ZMIZ1: variants seen among roughly 807,000 people sequenced by gnomAD.
ZMIZ1 encodes the protein zinc finger MIZ-type containing 1.
Under a neutral mutation model 113.9 loss-of-function variants are expected in ZMIZ1, and 17 were observed. That is an observed-to-expected ratio of 0.15 (90% CI 0.10 to 0.22). The LOEUF (loss-of-function observed/expected upper bound fraction) is 0.22. ZMIZ1 is among the 10% of genes least tolerant of loss of function. ZMIZ1 has a pLI of 1.00. For missense variants in ZMIZ1, 1,059 were observed against 1,477.8 expected, an observed-to-expected ratio of 0.72 and a Z score of 4.65; for synonymous variants, 607 against 603.1, an observed-to-expected ratio of 1.01 and a Z score of -0.09.
intron 1 of ZMIZ1, among the ~76,000 whole-genome samples, chr10:79,083,815 A>G (rs1842730242): frequency 6.6e-6 from 1 of 152,214 alleles, no homozygotes; most frequent in Non-Finnish European, 1.5e-5. Flanking sequence ...AGGCTGAGCT[A>G]GAGAACTGGC....
chr10:79,192,941 C>T (rs1235550386), intron 4 of ZMIZ1, among the ~76,000 whole-genome samples: 2 of 152,288 alleles, frequency 1.3e-5, no homozygotes, highest in East Asian at 1.9e-4. Context: ...CTCCCCATCT[C>T]GTCTCCTGTC....
chr10:79,255,885 TGCAATCACAGAGCC>T (rs1850862874), intron 7 of ZMIZ1, among the ~76,000 whole-genome samples: 1 of 152,350 alleles, frequency 6.6e-6, no homozygotes, highest in African/African-American at 2.4e-5. Context: ...TCAGTCTGGA[TGCAATCACAGAGCC>T]GCATTGTAAA....
chr10:79,138,124 G>C (rs1212574954), intron 2 of ZMIZ1, among the ~76,000 whole-genome samples: 1 of 152,178 alleles, frequency 6.6e-6, no homozygotes, highest in Non-Finnish European at 1.5e-5. Flanking sequence ...GGGCAGAGTG[G>C]GAAAGGACAG....
intron 5 of ZMIZ1, among the ~76,000 whole-genome samples, chr10:79,203,151 C>A (rs1848171998): frequency 6.6e-6 from 1 of 152,236 alleles, no homozygotes; most frequent in African/African-American, 2.4e-5. Context: ...AACTCACAGC[C>A]CCCTACCCAC....
At chr10:79,185,137 T>C (rs939480305) in intron 4 of ZMIZ1, among the ~76,000 whole-genome samples, 2 of 152,342 alleles carry the variant, frequency 1.3e-5, no homozygotes, top group Non-Finnish European at 1.5e-5. Flanking sequence ...AGGCCAAGCC[T>C]TGGTCTCCCA....
rs774061918 is a variant in ZMIZ1, at chr10:79,305,062, A to G, written c.2287-102A>G. 4.7e-4 allele frequency: 633 copies of G among 1,343,322 alleles called. 2 individuals carry two copies. The highest frequency in any genetic ancestry group is 6.4e-4 in the Non-Finnish European group (600 of 944,206). The allele number at this position is 1,343,322 out of a possible 1,614,324, so 83.2% of individuals were successfully genotyped here. A position where few individuals can be genotyped will look rare whatever the true frequency, so the allele number is the denominator to read the frequency against. ...CAGCCCGGGGTTTCTCCCACAGCCT[A>G]TCTTTCTCTCTGGTGGGGAAGTTAT... On this transcript the variant is annotated intron_variant, in intron 19 of 24. Coordinates refer to ENST00000334512, the MANE Select transcript of ZMIZ1 (RefSeq NM_020338.4).
intron 7 of ZMIZ1, among the ~76,000 whole-genome samples, chr10:79,269,498 GTTCTCCAGCAGCC>G (rs1158794497): frequency 1.0e-5 from 1 of 100,386 alleles, no homozygotes; most frequent in Non-Finnish European, 2.2e-5. Context: ...CACTTTCTCT[GTTCTCCAGCAGCC>G]TTTTAGCTGC....
At chr10:79,081,240 G>A (rs1390286198) in intron 1 of ZMIZ1, among the ~76,000 whole-genome samples, 2 of 152,152 alleles carry the variant, frequency 1.3e-5, no homozygotes, top group Non-Finnish European at 2.9e-5. Context: ...TTGTATCCTC[G>A]GAGACTTCTC....
At chr10:79,199,932 G>A (rs191461611) in intron 4 of ZMIZ1, among the ~76,000 whole-genome samples, 31 of 152,346 alleles carry the variant, frequency 2.0e-4, no homozygotes, top group East Asian at 1.7e-3. Context: ...CTCAACAAGC[G>A]TGTGTAGAAG....
Position 79,313,645 on chromosome 10 carries a change from C to A in ZMIZ1, c.*896C>A. On this transcript the variant is annotated 3_prime_UTR_variant, in exon 25 of 25. Coordinates refer to ENST00000334512, the MANE Select transcript of ZMIZ1 (RefSeq NM_020338.4). ...AGCAAACAGGAGCGGCAACTTCTAACTTTGCTCCAAGCCACTCTCTTTTTA... is the reference window on the plus strand; with the variant it reads ...AGCAAACAGGAGCGGCAACTTCTAAATTTGCTCCAAGCCACTCTCTTTTTA... 8.1e-6 allele frequency: 2 copies of A among 246,886 alleles called. No individual in the cohort carries two copies. Among genetic ancestry groups the A allele is most frequent in the Non-Finnish European group, 8.0e-6 (1 of 124,678 alleles). 15.3% of individuals were successfully genotyped at this position (246,886 alleles called of 1,614,324 possible). A position where few individuals can be genotyped will look rare whatever the true frequency, so the allele number is the denominator to read the frequency against.
chr10:79,113,450 T>G (rs561479147), intron 1 of ZMIZ1, among the ~76,000 whole-genome samples: 16 of 152,194 alleles, frequency 1.1e-4, no homozygotes, highest in Admixed American at 9.8e-4. Context: ...CGTCCACACC[T>G]GGAGGGTCCT....
chr10:79,069,897 T>G lies in ZMIZ1; in HGVS notation c.-337+627T>G, dbSNP rs12415516. Among the ~76,000 whole-genome samples the G allele has an allele frequency of 0.069, 10,357 of 149,238 alleles. 661 individuals are homozygous for G. The highest frequency in any genetic ancestry group is 0.3 in the East Asian group (1,504 of 4,984). ...GCGGTACAAACGAGAAACGCGGAGG[T>G]GTGTGTGCAGGGTTTTCTCCCAGGG... is the stretch of plus-strand genomic sequence containing the variant. On this transcript the variant is annotated intron_variant, in intron 1 of 24. Coordinates refer to ENST00000334512, the MANE Select transcript of ZMIZ1 (RefSeq NM_020338.4). This position sits in a 1 kb window ranked among gnomAD's most constrained non-coding sequence, Gnocchi z 4.6.
intron 24 of ZMIZ1, 117 bp downstream of exon 24, chr10:79,311,301 T>TGGGGGGGGGGGGGG: frequency 8.5e-6 from 1 of 116,960 alleles, no homozygotes; most frequent in East Asian, 1.9e-4. Context: ...GGGTGGGCGG[T>TGGGGGGGGGGGGGG]GGGAGGGCTT....
intron 2 of ZMIZ1, among the ~76,000 whole-genome samples, chr10:79,138,338 C>T (rs1845108546): frequency 6.6e-6 from 1 of 152,234 alleles, no homozygotes; most frequent in African/African-American, 2.4e-5. Flanking sequence ...GCCTTCTGGC[C>T]TCTGTGGACC....
chr10:79,244,841 C>T (rs916041152), intron 7 of ZMIZ1, among the ~76,000 whole-genome samples: 9 of 152,154 alleles, frequency 5.9e-5, no homozygotes, highest in Non-Finnish European at 1.0e-4. Context: ...CCAGATGTTA[C>T]GTGGGGGCTC....
At chr10:79,190,823 A>AAG (rs1248484912) in intron 4 of ZMIZ1, among the ~76,000 whole-genome samples, 1 of 152,212 alleles carries the variant, frequency 6.6e-6, no homozygotes, top group African/African-American at 2.4e-5. Flanking sequence ...TTAGCTTGAA[A>AAG]AGAACCTGGC....
intron 21 of ZMIZ1, 41 bp downstream of exon 21, chr10:79,305,642 C>T (rs772611800): frequency 8.8e-6 from 14 of 1,598,602 alleles, no homozygotes; most frequent in African/African-American, 2.7e-5. Context: ...TGGGAGGGGA[C>T]GAGGCCTGGA....
chr10:79,241,353 G>A (rs1264291416), intron 7 of ZMIZ1, among the ~76,000 whole-genome samples: 1 of 152,130 alleles, frequency 6.6e-6, no homozygotes, highest in Non-Finnish European at 1.5e-5. Flanking sequence ...TGCTTGGGAG[G>A]GCAGGGCCCC....
chr10:79,178,670 G>T lies in ZMIZ1; in HGVS notation c.-50+16537G>T, dbSNP rs187562622. ...AGCCCTGCTCTGAGTTCTCCACAGC[G>T]GCATCCCTGCCCCACCCCTCCCCCA... On this transcript the variant is annotated intron_variant, in intron 4 of 24. Coordinates refer to ENST00000334512, the MANE Select transcript of ZMIZ1 (RefSeq NM_020338.4). Among the ~76,000 whole-genome samples the T allele has an allele frequency of 2.8e-3, 425 of 152,284 alleles. 3 individuals are homozygous for T. Among genetic ancestry groups the T allele is most frequent in the African/African-American group, 9.2e-3 (382 of 41,544 alleles).
Sources: allele counts gnomAD v4.1 joint callset (sites outside exome capture counted in the v4.1 genomes callset), GRCh38; gene constraint gnomAD v4.1.1; non-coding constraint Gnocchi (gnomAD v3.1); transcripts MANE v1.5; gene names NCBI Gene and HGNC (gene_info 2026-07-23, HGNC 2026-07-21).